TMEM132D: variants seen among roughly 807,000 people sequenced by gnomAD.
The protein encoded by TMEM132D is mature OL transmembrane protein.
A neutral mutation model predicts 62.3 loss-of-function variants in TMEM132D; 21 were observed. The ratio of observed to expected loss-of-function variants is 0.34; its 90% CI spans 0.24 to 0.49. TMEM132D has a LOEUF of 0.49. TMEM132D is among the 20% of genes least tolerant of loss of function. The pLI is 0.99. For missense variants in TMEM132D, 1,346 were observed against 1,402.8 expected (o/e 0.96, Z 0.65); for synonymous variants, 621 against 575.6 (o/e 1.08, Z -1.13).
chr12:129,530,990 G>GAAGAA, intron 3 of TMEM132D, 69 bp downstream of exon 3: 1 of 1,267,186 alleles, frequency 7.9e-7, no homozygotes. Context: ...AGCAATCTAG[G>GAAGAA]AAAAAAAAAA....
Position 129,486,589 on chromosome 12 carries a change from C to T in TMEM132D, c.1115+44470G>A, listed in dbSNP as rs149777340. 5.4e-3 allele frequency among the ~76,000 whole-genome samples: 821 copies of T among 152,308 alleles called. 4 individuals carry two copies. Among genetic ancestry groups the T allele is most frequent in the African/African-American group, 7.1e-3 (296 of 41,576 alleles). ...ATGATAGTAATAAAGCCTGAAATCT[C>T]GGCTCTGTCCCCACTCATTGTGTGT... On this transcript the variant is annotated intron_variant, in intron 3 of 8. Transcript: ENST00000422113.
intron 2 of TMEM132D, among the ~76,000 whole-genome samples, chr12:129,555,800 G>C (rs574249827): frequency 6.6e-6 from 1 of 152,126 alleles, no homozygotes; most frequent in East Asian, 1.9e-4. Flanking sequence ...AGTAGTTGTG[G>C]TTTTTGCCAC....
intron 2 of TMEM132D, among the ~76,000 whole-genome samples, chr12:129,671,017 T>A (rs991801145): frequency 6.6e-6 from 1 of 152,220 alleles, no homozygotes. Context: ...TTAAAAAATC[T>A]TGGAAATATT....
At chr12:129,455,526 A>G (rs187412963) in intron 3 of TMEM132D, among the ~76,000 whole-genome samples, 1 of 152,356 alleles carries the variant, frequency 6.6e-6, no homozygotes, top group East Asian at 1.9e-4. Flanking sequence ...AAATAGTAGT[A>G]AAAACATGAA....
chr12:129,833,203 A>C (rs1872898695), intron 1 of TMEM132D, among the ~76,000 whole-genome samples: 2 of 152,200 alleles, frequency 1.3e-5, no homozygotes, highest in South Asian at 4.1e-4. Context: ...GACCCATGCA[A>C]CTGAATTGTT....
At chr12:129,843,036 A>C (rs1179179129) in intron 1 of TMEM132D, among the ~76,000 whole-genome samples, 1 of 152,212 alleles carries the variant, frequency 6.6e-6, no homozygotes, top group African/African-American at 2.4e-5. Context: ...CAGATATGGC[A>C]AAAAACGTAA....
chr12:129,233,070 T>C (rs956609304), intron 4 of TMEM132D, among the ~76,000 whole-genome samples: 2 of 152,234 alleles, frequency 1.3e-5, no homozygotes, highest in African/African-American at 2.4e-5. Context: ...ATGCCTCCTT[T>C]TTCATTTCTG....
At chr12:129,403,015 A>C (rs1385758203) in intron 3 of TMEM132D, among the ~76,000 whole-genome samples, 1 of 152,114 alleles carries the variant, frequency 6.6e-6, no homozygotes, top group Non-Finnish European at 1.5e-5. Flanking sequence ...GCCACGGGCC[A>C]CTGAAGAAGA....
chr12:129,888,800 T>G (rs1874827862), intron 1 of TMEM132D, among the ~76,000 whole-genome samples: 1 of 152,174 alleles, frequency 6.6e-6, no homozygotes, highest in Non-Finnish European at 1.5e-5. Context: ...TCCCAACTTG[T>G]TTTCCATAAT....
At chr12:129,523,137 CACTT>C (rs1337357130) in intron 3 of TMEM132D, among the ~76,000 whole-genome samples, 1 of 152,154 alleles carries the variant, frequency 6.6e-6, no homozygotes, top group African/African-American at 2.4e-5. Flanking sequence ...CAGACACACA[CACTT>C]ATTGAAGCTG....
At chr12:129,807,327 A>G (rs1347651763) in intron 1 of TMEM132D, among the ~76,000 whole-genome samples, 5 of 152,238 alleles carry the variant, frequency 3.3e-5, no homozygotes, top group South Asian at 4.2e-4. Flanking sequence ...CGGCCTGGCC[A>G]TGACAGGTTT....
chr12:129,481,807 CT>C (rs35373064), intron 3 of TMEM132D, among the ~76,000 whole-genome samples: 15,601 of 152,064 alleles, frequency 0.1, 869 homozygotes, highest in East Asian at 0.19. Flanking sequence ...TAACCTTGTT[CT>C]TTTTAGCCCT....
chr12:129,097,718 A>T (rs1262387765), intron 5 of TMEM132D, among the ~76,000 whole-genome samples: 1 of 152,220 alleles, frequency 6.6e-6, no homozygotes, highest in Non-Finnish European at 1.5e-5. Flanking sequence ...CCAGTAAAGG[A>T]GAGTTTATAT....
intron 2 of TMEM132D, among the ~76,000 whole-genome samples, chr12:129,556,721 A>AT (rs1877070285): frequency 6.6e-6 from 1 of 152,138 alleles, no homozygotes; most frequent in Admixed American, 6.5e-5. Context: ...ATCTATTTAA[A>AT]TTTCAATTAG....
intron 2 of TMEM132D, among the ~76,000 whole-genome samples, chr12:129,692,539 A>T (rs1439415916): frequency 6.6e-6 from 1 of 152,236 alleles, no homozygotes; most frequent in Non-Finnish European, 1.5e-5. Context: ...ATATGCATGC[A>T]TATGTTCATT....
intron 2 of TMEM132D, among the ~76,000 whole-genome samples, chr12:129,566,611 A>G (rs1033693938): frequency 2.6e-5 from 4 of 152,190 alleles, no homozygotes; most frequent in Non-Finnish European, 5.9e-5. Context: ...ACCCACTAAT[A>G]TATTTCTTGA....
intron 4 of TMEM132D, among the ~76,000 whole-genome samples, chr12:129,219,455 TC>T (rs1879295662): frequency 6.6e-6 from 1 of 152,120 alleles, no homozygotes; most frequent in African/African-American, 2.4e-5. Context: ...TGACAAGTCT[TC>T]GCTCACATGG....
rs912045046 is a variant in TMEM132D at position 129,637,662 on chromosome 12, A to C, written c.968+62148T>G. ...CCTGCGGAGACTGGGTAATTTATAA[A>C]AAAAGAAGTTTAATGGCCTCATGGT... On this transcript the variant is annotated intron_variant, in intron 2 of 8. Coordinates refer to ENST00000422113, the MANE Select transcript of TMEM132D (RefSeq NM_133448.3). Among the ~76,000 whole-genome samples the C allele has an allele frequency of 2.6e-5, 4 of 152,182 alleles. No individual in the cohort carries two copies. The South Asian group carries it at 6.2e-4, about 24-fold the overall frequency.
intron 3 of TMEM132D, among the ~76,000 whole-genome samples, chr12:129,471,263 G>T (rs1034465013): frequency 1.3e-5 from 2 of 149,924 alleles, no homozygotes; most frequent in Non-Finnish European, 3.0e-5. Flanking sequence ...CATTGAGCAA[G>T]TCTATCGGCT....
Sources: allele counts gnomAD v4.1 joint callset (sites outside exome capture counted in the v4.1 genomes callset), GRCh38; gene constraint gnomAD v4.1.1; transcripts MANE v1.5; gene names NCBI Gene and HGNC (gene_info 2026-07-23, HGNC 2026-07-21).